CDH7: variants seen among roughly 807,000 people sequenced by gnomAD.
CDH7 encodes the protein cadherin 7, also known as cadherin-7.
In CDH7, 25 loss-of-function variants were observed where a neutral mutation model predicts 71.8. That is an observed-to-expected ratio of 0.35 (90% CI 0.25 to 0.49). CDH7 has a LOEUF of 0.49. CDH7 is among the 20% of genes least tolerant of loss of function. CDH7 has a pLI of 0.99. For missense variants in CDH7, 862 were observed against 974.6 expected, an observed-to-expected ratio of 0.88 and a Z score of 1.54; for synonymous variants, 381 against 363.8, an observed-to-expected ratio of 1.05 and a Z score of -0.54.
chr18:65,804,035 A>G (rs536625733), intron 2 of CDH7, among the ~76,000 whole-genome samples: 9 of 152,266 alleles, frequency 5.9e-5, no homozygotes, highest in East Asian at 5.8e-4. Flanking sequence ...CTTATTGTCA[A>G]TAAGTCAGTG....
chr18:65,762,804 G>T lies in CDH7; in HGVS notation c.-39G>T, dbSNP rs569702559. 4.4e-6 allele frequency: 7 copies of T among 1,573,208 alleles called. No homozygotes were observed. In the East Asian group the frequency reaches 9.1e-5, roughly 20 times the overall value. ...GAACTGTGCCTTTTCTCTTGTCAAG[G>T]TTTTTTTCTTACACAGGAAAAAGAA... is the stretch of plus-strand genomic sequence containing the variant. On this transcript the variant is annotated 5_prime_UTR_variant, in exon 2 of 12. Transcript: ENST00000397968.
intron 2 of CDH7, among the ~76,000 whole-genome samples, chr18:65,775,542 C>G (rs1334065701): frequency 6.6e-6 from 1 of 152,106 alleles, no homozygotes; most frequent in African/African-American, 2.4e-5. Flanking sequence ...ATTTTTAAAA[C>G]AACCTAAAGG....
chr18:65,782,620 C>G (rs115937276), intron 2 of CDH7, among the ~76,000 whole-genome samples: 5,168 of 152,218 alleles, frequency 0.034, 291 homozygotes, highest in African/African-American at 0.12. Flanking sequence ...GCATAGGGAA[C>G]CATTGCTCTT....
At chr18:65,825,744 T>C (rs993984125) in intron 6 of CDH7, among the ~76,000 whole-genome samples, 4 of 151,868 alleles carry the variant, frequency 2.6e-5, no homozygotes, top group African/African-American at 9.7e-5. Flanking sequence ...ATATGTTTGA[T>C]TTCAGGCCAA....
At position 65,882,086 on chromosome 18, in the gene CDH7, A is replaced by C. The variant is rs1914249305; in HGVS notation, c.*1192A>C. On this transcript the variant is annotated 3_prime_UTR_variant, in exon 12 of 12. Transcript: ENST00000397968. The stretch of plus-strand genomic sequence containing the variant: ...TTTCTTGCTGCAAACCTATTGAGTA[A>C]AATATTGAGTTTTTAAAAGTCTTAA... 6.6e-6 allele frequency: 1 copy of C among 152,166 alleles called. No individual in the cohort carries two copies. Among genetic ancestry groups the C allele is most frequent in the African/African-American group, 2.4e-5 (1 of 41,458 alleles). The allele number at this position is 152,166 out of a possible 1,614,324, so 9.4% of individuals were successfully genotyped here.
chr18:65,874,183 T>C (rs531710011), intron 11 of CDH7, among the ~76,000 whole-genome samples: 1 of 152,336 alleles, frequency 6.6e-6, no homozygotes, highest in Non-Finnish European at 1.5e-5. Context: ...TTTAAACCTG[T>C]GGTAGTAGCC....
chr18:65,761,550 A>AC (rs1385999215), intron 1 of CDH7, among the ~76,000 whole-genome samples: 15 of 151,716 alleles, frequency 9.9e-5, no homozygotes, highest in African/African-American at 2.9e-4. Flanking sequence ...AAAAAAAAAA[A>AC]ACAGAAATAG....
intron 11 of CDH7, chr18:65,863,548 T>C (rs1158566417): frequency 1.3e-5 from 2 of 152,480 alleles, no homozygotes. Flanking sequence ...ACAGAGGAGA[T>C]ACACTAGACT....
At chr18:65,767,002 C>T (rs888176024) in intron 2 of CDH7, among the ~76,000 whole-genome samples, 17 of 149,940 alleles carry the variant, frequency 1.1e-4, no homozygotes, top group African/African-American at 2.7e-4. Context: ...GCCAGCCGAT[C>T]GCTGTGCCCC....
chr18:65,865,543 A>G (rs1913728055), intron 11 of CDH7: 1 of 152,156 alleles, frequency 6.6e-6, no homozygotes, highest in African/African-American at 2.4e-5. Flanking sequence ...CTGAAATACA[A>G]TTTGGAACAA....
intron 2 of CDH7, among the ~76,000 whole-genome samples, chr18:65,774,014 C>T (rs1353728901): frequency 6.6e-6 from 1 of 151,976 alleles, no homozygotes; most frequent in Non-Finnish European, 1.5e-5. Flanking sequence ...TCAAACTGTC[C>T]TTATACTTAG....
At chr18:65,782,922 A>G (rs1182094586) in intron 2 of CDH7, among the ~76,000 whole-genome samples, 1 of 152,160 alleles carries the variant, frequency 6.6e-6, no homozygotes, top group Non-Finnish European at 1.5e-5. Flanking sequence ...CAGCAAAACC[A>G]CAAACAGAAA....
intron 7 of CDH7, among the ~76,000 whole-genome samples, chr18:65,852,841 T>G (rs1016318572): frequency 6.6e-6 from 1 of 151,936 alleles, no homozygotes; most frequent in Non-Finnish European, 1.5e-5. Flanking sequence ...TGTTTGAGAA[T>G]TAAGGAAAAA....
intron 1 of CDH7, among the ~76,000 whole-genome samples, chr18:65,759,655 A>C (rs183682221): frequency 1.5e-4 from 23 of 152,316 alleles, no homozygotes; most frequent in Non-Finnish European, 2.9e-4. Flanking sequence ...GTAAGACCTG[A>C]AAAAAGAAAT....
rs112404159 is a variant in CDH7, at chr18:65,756,668, G to A, written c.-197+5518G>A. Among the ~76,000 whole-genome samples, 1,334 of 152,332 alleles carry A rather than the reference G, an allele frequency of 8.8e-3. 20 individuals carry two copies. Among genetic ancestry groups the A allele is most frequent in the African/African-American group, 0.031 (1,290 of 41,580 alleles). ...GAATTTAGAGAAAGTTTGGTGGAAT[G>A]TGGTCTTTAATTGTGATAAGCCATT... On this transcript the variant is annotated intron_variant, in intron 1 of 11. Transcript: ENST00000397968.
chr18:65,875,025 G>T (rs1013079027), intron 11 of CDH7, among the ~76,000 whole-genome samples: 1 of 152,104 alleles, frequency 6.6e-6, no homozygotes, highest in Admixed American at 6.5e-5. Flanking sequence ...TTTGAATTTG[G>T]ACTAACACAA....
At chr18:65,799,105 C>T (rs962676771) in intron 2 of CDH7, among the ~76,000 whole-genome samples, 1 of 152,050 alleles carries the variant, frequency 6.6e-6, no homozygotes, top group Admixed American at 6.6e-5. Flanking sequence ...TTTGACTTGT[C>T]CATTTGCCAT....
intron 10 of CDH7, among the ~76,000 whole-genome samples, chr18:65,860,966 T>A (rs1411796532): frequency 6.6e-6 from 1 of 152,172 alleles, no homozygotes; most frequent in Non-Finnish European, 1.5e-5. Flanking sequence ...ACTGACTTAA[T>A]CATAGTTAAG....
intron 2 of CDH7, among the ~76,000 whole-genome samples, chr18:65,781,114 G>A (rs567370400): frequency 3.3e-5 from 5 of 152,074 alleles, no homozygotes; most frequent in East Asian, 1.9e-4. Flanking sequence ...AGGAAGAATT[G>A]CATCTCTTTC....
Sources: allele counts gnomAD v4.1 joint callset (sites outside exome capture counted in the v4.1 genomes callset), GRCh38; gene constraint gnomAD v4.1.1; transcripts MANE v1.5; gene names NCBI Gene and HGNC (gene_info 2026-07-23, HGNC 2026-07-21).